Variants in UNC79 observed in about 807,000 individuals in gnomAD.
The protein encoded by UNC79 is protein unc-79 homolog.
In UNC79, 37 loss-of-function variants were observed where a neutral mutation model predicts 283.1. That is an observed-to-expected ratio of 0.13 (90% confidence interval 0.10 to 0.17). The LOEUF (loss-of-function observed/expected upper bound fraction) is 0.17, where lower values mean the gene tolerates loss of function less well. UNC79 is among the 10% of genes least tolerant of loss of function. The probability of loss-of-function intolerance (pLI) is 1.00; values close to 1 mark genes in which losing one functional copy is unlikely to be tolerated. For missense variants in UNC79, 2,272 were observed against 3,211.1 expected (o/e 0.71, Z 7.07); for synonymous variants, 1,107 against 1,200.2 (o/e 0.92, Z 1.61).
chr14:93,359,597 C>T (rs141870235), intron 1 of UNC79, among the ~76,000 whole-genome samples: 9 of 152,264 alleles, frequency 5.9e-5, no homozygotes, highest in African/African-American at 1.9e-4. Context: ...TAGTCTGACT[C>T]GTGTAGAGCT....
chr14:93,347,579 C>A (rs1595372090), intron 1 of UNC79, among the ~76,000 whole-genome samples: 1 of 151,890 alleles, frequency 6.6e-6, no homozygotes, highest in African/African-American at 2.4e-5. Context: ...GGGAGAGGGT[C>A]GCGGTGAGGA....
chr14:93,620,278 A>C (rs1383474879), intron 29 of UNC79, among the ~76,000 whole-genome samples: 1 of 152,120 alleles, frequency 6.6e-6, no homozygotes, highest in Non-Finnish European at 1.5e-5. Flanking sequence ...TCAGTCCATA[A>C]TCATTCGTGG....
chr14:93,554,209 G>T (rs1271723311), intron 14 of UNC79, among the ~76,000 whole-genome samples: 1 of 152,072 alleles, frequency 6.6e-6, no homozygotes, highest in East Asian at 1.9e-4. Flanking sequence ...TTAGCTGTGT[G>T]TGGTGGCACA....
chr14:93,693,947 G>A (rs1356176441), intron 46 of UNC79, among the ~76,000 whole-genome samples: 1 of 152,044 alleles, frequency 6.6e-6, no homozygotes. Context: ...TCCCCTCCCT[G>A]GGTACCCTCC....
chr14:93,697,569 C>T (rs2075236615), intron 47 of UNC79, among the ~76,000 whole-genome samples: 1 of 152,018 alleles, frequency 6.6e-6, no homozygotes, highest in Non-Finnish European at 1.5e-5. Flanking sequence ...GGTCATTTGC[C>T]ATTCGAGATA....
At chr14:93,384,831 C>T (rs2054736585) in intron 1 of UNC79, among the ~76,000 whole-genome samples, 1 of 152,080 alleles carries the variant, frequency 6.6e-6, no homozygotes, top group South Asian at 2.1e-4. Flanking sequence ...GATTTAAGTC[C>T]TGAGTTTATT....
intron 13 of UNC79, 69 bp from the exon 14 acceptor site, chr14:93,542,397 T>C: frequency 6.8e-7 from 1 of 1,468,594 alleles, no homozygotes; most frequent in Admixed American, 2.2e-5. Flanking sequence ...TTTTGCCTCT[T>C]AATGCACCTA....
rs567644064 is a variant in UNC79 at position 93,434,838 on chromosome 14, T to C, written c.22+3787T>C. ...ACTTAATAAATGTTAACAATTATTA[T>C]CATCATCATCATCATCAAATATAAA... On this transcript the variant is annotated intron_variant, in intron 1 of 48. Coordinates refer to ENST00000555664, the Ensembl canonical transcript of UNC79. 3.9e-5 allele frequency among the ~76,000 whole-genome samples: 6 copies of C among 152,296 alleles called. No homozygotes were observed. In the East Asian group the frequency reaches 1.2e-3, roughly 29 times the overall value.
intron 14 of UNC79, among the ~76,000 whole-genome samples, chr14:93,552,046 A>G (rs1234548303): frequency 1.3e-5 from 2 of 152,268 alleles, no homozygotes; most frequent in African/African-American, 4.8e-5. Context: ...TGGAAGGCAT[A>G]AACTTTAACC....
intron 8 of UNC79, among the ~76,000 whole-genome samples, chr14:93,525,425 G>A (rs1317484503): frequency 6.6e-6 from 1 of 151,934 alleles, no homozygotes; most frequent in African/African-American, 2.4e-5. Flanking sequence ...CTCCAGCCTG[G>A]GCAACAGAGC....
chr14:93,582,158 C>A, intron 19 of UNC79, 45 bp from the exon 20 acceptor site: 1 of 1,613,536 alleles, frequency 6.2e-7, no homozygotes, highest in Non-Finnish European at 8.5e-7. Context: ...GTTCCTGACA[C>A]CCCTCCAGGG....
intron 1 of UNC79, among the ~76,000 whole-genome samples, chr14:93,342,127 C>G (rs751752410): frequency 1.3e-5 from 2 of 152,246 alleles, no homozygotes; most frequent in African/African-American, 2.4e-5. Flanking sequence ...TTCCCCCTCT[C>G]CATTGCCATA....
At chr14:93,481,466 A>G (rs1337344586) in intron 4 of UNC79, among the ~76,000 whole-genome samples, 1 of 152,160 alleles carries the variant, frequency 6.6e-6, no homozygotes, top group Non-Finnish European at 1.5e-5. Context: ...ATGTTATTGT[A>G]AAGATGATAA....
intron 1 of UNC79, among the ~76,000 whole-genome samples, chr14:93,335,796 T>G: frequency 6.6e-6 from 1 of 152,250 alleles, no homozygotes; most frequent in African/African-American, 2.4e-5. Flanking sequence ...TGGGCCTACC[T>G]GGGCCTGAAA....
chr14:93,349,007 G>T (rs1160643594), intron 1 of UNC79, among the ~76,000 whole-genome samples: 1 of 152,102 alleles, frequency 6.6e-6, no homozygotes, highest in Admixed American at 6.5e-5. Context: ...TCACTATTTG[G>T]GTCCGTGCCG....
intron 1 of UNC79, chr14:93,464,606 A>G (rs1467009409): frequency 1.1e-5 from 5 of 456,200 alleles, no homozygotes; most frequent in Non-Finnish European, 1.3e-5. Context: ...TTTTTAAAGT[A>G]TAAGGAAAGG....
intron 1 of UNC79, among the ~76,000 whole-genome samples, chr14:93,336,921 A>G (rs891092362): frequency 6.6e-6 from 1 of 152,090 alleles, no homozygotes; most frequent in Non-Finnish European, 1.5e-5. Flanking sequence ...TCATGAAGGC[A>G]GATCCCTCAT....
exon 47 of UNC79, chr14:93,694,358 T>C: frequency 6.2e-7 from 1 of 1,611,402 alleles, no homozygotes; most frequent in East Asian, 2.2e-5. Context: ...TGTGTCTCCA[T>C]GTGATTAGTT....
intron 1 of UNC79, among the ~76,000 whole-genome samples, chr14:93,377,178 T>C (rs527243601): frequency 1.3e-5 from 2 of 148,260 alleles, no homozygotes; most frequent in Admixed American, 6.8e-5. Flanking sequence ...CAATCTCCAC[T>C]TCCCAGGTTC....
Sources: allele counts gnomAD v4.1 joint callset (sites outside exome capture counted in the v4.1 genomes callset), GRCh38; gene constraint gnomAD v4.1.1; transcripts MANE v1.5; gene names NCBI Gene and HGNC (gene_info 2026-07-23, HGNC 2026-07-21).